RANBP2: variants seen among roughly 807,000 people sequenced by gnomAD.
RANBP2 encodes the protein RAN binding protein 2, also known as E3 SUMO-protein ligase RanBP2.
RANBP2 carries 57 observed loss-of-function variants against 303.6 expected under a neutral mutation model. That is an observed-to-expected ratio of 0.19 (90% CI 0.15 to 0.23). The LOEUF is 0.23. Ranked by LOEUF, RANBP2 falls within the 10% of genes least tolerant of loss-of-function variation. The pLI is 1.00. For synonymous variants in RANBP2, 1,167 were observed against 1,301.5 expected, an observed-to-expected ratio of 0.90 and a Z score of 2.23; for missense variants, 3,138 against 3,780.8, an observed-to-expected ratio of 0.83 and a Z score of 4.46.
chr2:108,877,110 G>T, the RANBP2 span, among the ~76,000 whole-genome samples: 1 of 152,196 alleles, frequency 6.6e-6, no homozygotes, highest in Non-Finnish European at 1.5e-5. Flanking sequence ...CATTTTTGAA[G>T]TAGAAACAGA....
the RANBP2 span, among the ~76,000 whole-genome samples, chr2:109,457,974 G>A: frequency 4.2e-4 from 64 of 152,290 alleles, no homozygotes; most frequent in East Asian, 0.011. Context: ...GGGAAATGTC[G>A]AGAAAGAACA....
the RANBP2 span, among the ~76,000 whole-genome samples, chr2:109,645,885 C>T: frequency 3.3e-5 from 5 of 152,114 alleles, no homozygotes; most frequent in Admixed American, 6.6e-5. Flanking sequence ...CTCAGGGGTG[C>T]GCCATTCCCA....
the RANBP2 span, among the ~76,000 whole-genome samples, chr2:109,099,457 GGT>G: frequency 6.6e-6 from 1 of 152,104 alleles, no homozygotes; most frequent in African/African-American, 2.4e-5. Flanking sequence ...CAAAGGGCTG[GGT>G]TTGGTTTAAC....
At chr2:108,750,603 T>TTTTCTTTTCTTTTCTTTTCTTTTC (rs1183389959) in intron 9 of RANBP2, among the ~76,000 whole-genome samples, 1 of 145,662 alleles carries the variant, frequency 6.9e-6, no homozygotes, top group Non-Finnish European at 1.5e-5. Context: ...TTTTCTTTTC[T>TTTTCTTTTCTTTTCTTTTCTTTTC]TTGAGACAGA....
chr2:109,761,072 G>A, the RANBP2 span, among the ~76,000 whole-genome samples: 1 of 142,308 alleles, frequency 7.0e-6, no homozygotes, highest in Non-Finnish European at 1.5e-5. Context: ...GAAGCGATTT[G>A]AAGACTGCGT....
the RANBP2 span, among the ~76,000 whole-genome samples, chr2:109,350,546 G>A: frequency 6.6e-6 from 1 of 152,156 alleles, no homozygotes; most frequent in Non-Finnish European, 1.5e-5. Context: ...GCAGAGATTG[G>A]CCACCCCTGC....
chr2:108,849,391 C>G, the RANBP2 span, among the ~76,000 whole-genome samples: 3 of 152,294 alleles, frequency 2.0e-5, no homozygotes, highest in Non-Finnish European at 4.4e-5. Flanking sequence ...CTCCTATTCC[C>G]TTTTCCTTAG....
chr2:109,553,808 C>A, the RANBP2 span, among the ~76,000 whole-genome samples: 4 of 151,264 alleles, frequency 2.6e-5, no homozygotes, highest in South Asian at 8.4e-4. Flanking sequence ...GAGCCAAGAT[C>A]GCGCCACTGC....
chr2:109,614,636 C>A, the RANBP2 span: 2 of 1,463,778 alleles, frequency 1.4e-6, no homozygotes, highest in Non-Finnish European at 1.8e-6. Flanking sequence ...CGGAGCAGCG[C>A]GCCCGCGCCC....
the RANBP2 span, among the ~76,000 whole-genome samples, chr2:109,008,875 G>C: frequency 4.6e-5 from 7 of 150,774 alleles, no homozygotes; most frequent in East Asian, 1.4e-3. Flanking sequence ...CTCCAGCCTG[G>C]GTGACAGAGC....
At chr2:109,257,424 G>A in the RANBP2 span, among the ~76,000 whole-genome samples, 1 of 151,654 alleles carries the variant, frequency 6.6e-6, no homozygotes. Flanking sequence ...GGGAAGGAAG[G>A]GAGGAAGGGA....
chr2:109,016,411 C>A, the RANBP2 span, among the ~76,000 whole-genome samples: 1 of 152,100 alleles, frequency 6.6e-6, no homozygotes, highest in Non-Finnish European at 1.5e-5. Context: ...TTGTTACCAA[C>A]CTTCCCCCTT....
At chr2:109,760,257 GGGTA>G in the RANBP2 span, 2 of 148,730 alleles carry the variant, frequency 1.3e-5, no homozygotes, top group Non-Finnish European at 3.0e-5. Flanking sequence ...CATTCCCAGG[GGGTA>G]GAATGTCAGT....
At chr2:109,065,962 A>C in the RANBP2 span, among the ~76,000 whole-genome samples, 1 of 151,884 alleles carries the variant, frequency 6.6e-6, no homozygotes, top group Non-Finnish European at 1.5e-5. Context: ...TTTTTGACAG[A>C]GTTTCACTCT....
the RANBP2 span, among the ~76,000 whole-genome samples, chr2:109,097,129 C>A: frequency 6.6e-6 from 1 of 152,116 alleles, no homozygotes. Context: ...CATGGTGAAA[C>A]CCCGTCTCTA....
chr2:109,615,657 A>T, the RANBP2 span: 1 of 1,613,646 alleles, frequency 6.2e-7, no homozygotes, highest in Non-Finnish European at 8.5e-7. Flanking sequence ...CGCCGAGGAG[A>T]TCAAGAACCT....
the RANBP2 span, among the ~76,000 whole-genome samples, chr2:109,190,646 T>A: frequency 1.3e-5 from 2 of 152,198 alleles, no homozygotes; most frequent in Admixed American, 1.3e-4. Flanking sequence ...AAAATCTTTC[T>A]TATTGTTTCA....
At chr2:108,918,443 G>A in the RANBP2 span, among the ~76,000 whole-genome samples, 3 of 152,196 alleles carry the variant, frequency 2.0e-5, no homozygotes, top group African/African-American at 7.2e-5. Flanking sequence ...GTGGCCAACT[G>A]CGGGTCCATC....
chr2:109,432,373 C>A, the RANBP2 span: 3 of 1,168,352 alleles, frequency 2.6e-6, no homozygotes, highest in Non-Finnish European at 3.6e-6. Flanking sequence ...AACTGCAGAG[C>A]CCCCATAGAC....
Sources: allele counts gnomAD v4.1 joint callset (sites outside exome capture counted in the v4.1 genomes callset), GRCh38; gene constraint gnomAD v4.1.1; transcripts MANE v1.5; gene names NCBI Gene and HGNC (gene_info 2026-07-23, HGNC 2026-07-21).